The following NBAS variants were observed in gnomAD, a reference collection of about 807,000 sequenced individuals.
NBAS encodes the protein NBAS subunit of NRZ tethering complex.
A neutral mutation model predicts 302.5 loss-of-function variants in NBAS; 219 were observed. That is an observed-to-expected ratio of 0.72 (90% confidence interval 0.65 to 0.81). NBAS has a LOEUF of 0.81. NBAS is among the 30% of genes least tolerant of loss of function. The pLI is 0.00. For missense variants in NBAS, 2,932 were observed against 2,841.6 expected (o/e 1.03, Z -0.72); for synonymous variants, 1,118 against 1,021.6 (o/e 1.09, Z -1.80).
chr2:15,125,750 T>C, the NBAS span, among the ~76,000 whole-genome samples: 1 of 152,226 alleles, frequency 6.6e-6, no homozygotes, highest in Non-Finnish European at 1.5e-5. Context: ...GTTTACCCAA[T>C]GCCTGTACCA....
the NBAS span, among the ~76,000 whole-genome samples, chr2:14,976,731 G>A: frequency 3.9e-5 from 6 of 152,244 alleles, no homozygotes; most frequent in African/African-American, 1.2e-4. Context: ...CCAATAACAA[G>A]CACCCTTGCA....
the NBAS span, among the ~76,000 whole-genome samples, chr2:15,132,973 T>C: frequency 6.6e-6 from 1 of 152,170 alleles, no homozygotes; most frequent in African/African-American, 2.4e-5. Flanking sequence ...TTCTAAATCA[T>C]GTACAATAAG....
chr2:14,841,597 A>G, the NBAS span, among the ~76,000 whole-genome samples: 1 of 151,928 alleles, frequency 6.6e-6, no homozygotes, highest in Non-Finnish European at 1.5e-5. Context: ...AGGTCATTAT[A>G]TGATGATAAA....
the NBAS span, among the ~76,000 whole-genome samples, chr2:15,099,426 G>T: frequency 6.6e-6 from 1 of 152,046 alleles, no homozygotes; most frequent in Non-Finnish European, 1.5e-5. Context: ...TAATTTTTAT[G>T]AAAAGAACAT....
chr2:15,557,239 T>C (rs1341674204), intron 2 of NBAS, among the ~76,000 whole-genome samples: 2 of 152,136 alleles, frequency 1.3e-5, no homozygotes, highest in Non-Finnish European at 2.9e-5. Flanking sequence ...ATACCTAAAA[T>C]GGGAAAGCCC....
the NBAS span, among the ~76,000 whole-genome samples, chr2:14,783,414 C>A: frequency 6.6e-6 from 1 of 150,970 alleles, no homozygotes; most frequent in Non-Finnish European, 1.5e-5. Flanking sequence ...TGGTGTGCTG[C>A]ACCCATTAAC....
At chr2:14,876,819 C>T in the NBAS span, among the ~76,000 whole-genome samples, 6 of 152,338 alleles carry the variant, frequency 3.9e-5, no homozygotes, top group East Asian at 9.7e-4. Flanking sequence ...CAGGGCCTCC[C>T]GGCCGCTGAC....
At chr2:15,249,757 G>A (rs1299996152) in intron 44 of NBAS, among the ~76,000 whole-genome samples, 1 of 152,116 alleles carries the variant, frequency 6.6e-6, no homozygotes, top group African/African-American at 2.4e-5. Context: ...TACAAGGGAT[G>A]TGAAGGGCCT....
intron 48 of NBAS, among the ~76,000 whole-genome samples, chr2:15,217,124 T>C (rs1666688315): frequency 1.3e-5 from 2 of 152,266 alleles, no homozygotes; most frequent in African/African-American, 4.8e-5. Context: ...TATGCCTTCG[T>C]GTCCCTAGCC....
At position 15,276,911 on chromosome 2, in the gene NBAS, A is replaced by C. The variant is rs200601567; in HGVS notation, c.5329T>G (p.Cys1777Gly). 4 of 1,614,096 alleles carry C rather than the reference A, an allele frequency of 2.5e-6. No individual in the cohort carries two copies. The highest frequency in any genetic ancestry group is 2.2e-5 in the South Asian group (2 of 91,078). ...ATGTGGGTTTCTGGTTTAATGGCAC[A>C]GTTCCCCAAATCTGCACAGCCACAG... is the stretch of plus-strand genomic sequence containing the variant. The part of the protein sequence containing the change: ...ENCGCADLGN[C>G]AIKPETHIRL... Residue 1777 changes from cysteine (C) to glycine (G), a missense_variant, in exon 43 of 52, where the codon TGT becomes GGT. By Grantham distance (159) the Cys-to-Gly change is radical (BLOSUM62 -3). Coordinates refer to ENST00000281513, the MANE Select transcript of NBAS (RefSeq NM_015909.4).
chr2:15,445,528 A>G, intron 21 of NBAS, among the ~76,000 whole-genome samples: 1 of 113,522 alleles, frequency 8.8e-6, no homozygotes. Flanking sequence ...GGGGGGAGGG[A>G]TAGCATTGGG....
chr2:15,087,662 G>T, the NBAS span, among the ~76,000 whole-genome samples: 1 of 152,214 alleles, frequency 6.6e-6, no homozygotes, highest in Non-Finnish European at 1.5e-5. Flanking sequence ...CACTGGCCAG[G>T]CCTGAGTGCC....
At chr2:15,486,213 A>T (rs1680621948) in intron 12 of NBAS, among the ~76,000 whole-genome samples, 1 of 152,200 alleles carries the variant, frequency 6.6e-6, no homozygotes, top group Non-Finnish European at 1.5e-5. Flanking sequence ...ATCCTTGGTA[A>T]TGGCAACTAC....
At chr2:15,425,199 A>G (rs1427423162) in intron 22 of NBAS, among the ~76,000 whole-genome samples, 2 of 152,260 alleles carry the variant, frequency 1.3e-5, no homozygotes, top group Admixed American at 6.5e-5. Context: ...TCAGATGGGC[A>G]TATGTAAAAA....
At chr2:15,344,734 G>A (rs1054614816) in intron 35 of NBAS, among the ~76,000 whole-genome samples, 6 of 152,018 alleles carry the variant, frequency 3.9e-5, no homozygotes, top group South Asian at 2.1e-4. Flanking sequence ...GGCCAATATC[G>A]CTGATGAACA....
chr2:15,182,213 CTTGGACTGTGATCTCTACCAG>C (rs1443396439), intron 50 of NBAS, among the ~76,000 whole-genome samples: 1 of 152,240 alleles, frequency 6.6e-6, no homozygotes, highest in African/African-American at 2.4e-5. Flanking sequence ...AGCCGTGCCT[CTTGGACTGTGATCTCTACCAG>C]CAAGGCAGCT....
the NBAS span, among the ~76,000 whole-genome samples, chr2:14,921,739 C>T: frequency 6.6e-6 from 1 of 151,972 alleles, no homozygotes; most frequent in Non-Finnish European, 1.5e-5. Flanking sequence ...GTGTGTGATT[C>T]GTGTATAAGC....
the NBAS span, among the ~76,000 whole-genome samples, chr2:15,091,381 C>T: frequency 6.6e-6 from 1 of 152,168 alleles, no homozygotes; most frequent in Admixed American, 6.5e-5. Context: ...TTTCCTCCTT[C>T]TCAGCCTACT....
chr2:14,918,302 G>T, the NBAS span, among the ~76,000 whole-genome samples: 2 of 109,850 alleles, frequency 1.8e-5, no homozygotes, highest in African/African-American at 7.4e-5. Context: ...GGAGAAGGAA[G>T]AAATCCATGC....
Sources: allele counts gnomAD v4.1 joint callset (sites outside exome capture counted in the v4.1 genomes callset), GRCh38; gene constraint gnomAD v4.1.1; transcripts MANE v1.5; gene names NCBI Gene and HGNC (gene_info 2026-07-23, HGNC 2026-07-21).